SPPL2A: variants seen among roughly 807,000 people sequenced by gnomAD.
The protein encoded by SPPL2A is signal peptide peptidase like 2A, also known as signal peptide peptidase-like 2A.
SPPL2A carries 51 observed loss-of-function variants against 63.8 expected under a neutral mutation model. That is an observed-to-expected ratio of 0.80 (90% CI 0.64 to 1.01). The LOEUF is 1.01. SPPL2A is among the 50% of genes least tolerant of loss of function. The pLI is 0.00. For synonymous variants in SPPL2A, 188 were observed against 205.8 expected (o/e 0.91, Z 0.74); for missense variants, 553 against 622.7 (o/e 0.89, Z 1.19).
At chr15:50,761,789 A>G (rs1371675967) in intron 1 of SPPL2A, among the ~76,000 whole-genome samples, 3 of 151,438 alleles carry the variant, frequency 2.0e-5, no homozygotes. Flanking sequence ...ACAAAAAATT[A>G]GCCGGGCATC....
chr15:50,764,671 G>A (rs910069640), intron 1 of SPPL2A: 2 of 152,046 alleles, frequency 1.3e-5, no homozygotes, highest in Non-Finnish European at 2.9e-5. Flanking sequence ...TGAAACACCG[G>A]GTTCCTGACA....
At position 50,702,847 on chromosome 15, in the gene SPPL2A, C is replaced by T. The variant is rs374582524; in HGVS notation, c.*4953G>A. 4 of 152,144 alleles carry T rather than the reference C, an allele frequency of 2.6e-5. No individual in the cohort carries two copies. The highest frequency in any genetic ancestry group is 6.5e-5 in the Admixed American group (1 of 15,276). 9.4% of individuals were successfully genotyped at this position (152,144 alleles called of 1,614,324 possible). On this transcript the variant is annotated 3_prime_UTR_variant, in exon 15 of 15. Transcript: ENST00000261854. Reference sequence around the variant, plus strand: ...CTGTCCTCAATATGGAAAGATTAAACGAGGACATTTATACTTATGATCTTC... The same window carrying T: ...CTGTCCTCAATATGGAAAGATTAAATGAGGACATTTATACTTATGATCTTC...
At position 50,749,901 on chromosome 15, in the gene SPPL2A, G is replaced by C. The variant is rs115732181; in HGVS notation, c.67-155C>G. ...TTCTTCTTGTTTGAGGAAATAAAAAGGATGGTTAGGAATATTAAAACTATA... is the reference window on the plus strand; with the variant it reads ...TTCTTCTTGTTTGAGGAAATAAAAACGATGGTTAGGAATATTAAAACTATA... On this transcript the variant is annotated intron_variant, in intron 1 of 14. Coordinates refer to ENST00000261854, the MANE Select transcript of SPPL2A (RefSeq NM_032802.4). 1.7e-3 allele frequency: 1,013 copies of C among 613,562 alleles called. 12 individuals carry two copies. The African/African-American group carries it at 0.017, about 10-fold the overall frequency. The allele number at this position is 613,562 out of a possible 1,614,324, so 38.0% of individuals were successfully genotyped here. A position where few individuals can be genotyped will look rare whatever the true frequency, so the allele number is the denominator to read the frequency against.
intron 8 of SPPL2A, among the ~76,000 whole-genome samples, chr15:50,733,037 CTAG>C (rs1252669216): frequency 6.6e-6 from 1 of 152,004 alleles, no homozygotes; most frequent in Admixed American, 6.6e-5. Flanking sequence ...TTTTACTGTC[CTAG>C]TAGAATAATG....
intron 14 of SPPL2A, among the ~76,000 whole-genome samples, chr15:50,717,893 C>CTAA (rs2062609541): frequency 6.6e-6 from 1 of 151,618 alleles, no homozygotes; most frequent in Non-Finnish European, 1.5e-5. Context: ...TTCATGGCAC[C>CTAA]TGCCGTAACT....
intron 5 of SPPL2A, among the ~76,000 whole-genome samples, chr15:50,746,352 C>T (rs977678710): frequency 2.1e-5 from 3 of 145,062 alleles, no homozygotes; most frequent in Non-Finnish European, 4.5e-5. Flanking sequence ...GCAGGAGAAT[C>T]ACTTGAACTG....
At chr15:50,731,331 A>G (rs1392639543) in intron 9 of SPPL2A, among the ~76,000 whole-genome samples, 1 of 151,354 alleles carries the variant, frequency 6.6e-6, no homozygotes, top group Non-Finnish European at 1.5e-5. Flanking sequence ...GCGGATCACG[A>G]GGTCAAGAGT....
intron 14 of SPPL2A, among the ~76,000 whole-genome samples, chr15:50,719,434 C>T (rs1056350179): frequency 3.9e-5 from 6 of 151,998 alleles, no homozygotes; most frequent in South Asian, 2.1e-4. Flanking sequence ...TTAGTAGAGA[C>T]GGGTTTCACC....
At chr15:50,718,266 C>T (rs1387692501) in intron 14 of SPPL2A, among the ~76,000 whole-genome samples, 3 of 152,016 alleles carry the variant, frequency 2.0e-5, no homozygotes, top group South Asian at 2.1e-4. Context: ...CATGAGCCAC[C>T]GCGACCGGCT....
At position 50,739,803 on chromosome 15, in the gene SPPL2A, C is replaced by T. The variant is rs2062804252; in HGVS notation, c.610G>A (p.Glu204Lys). The change falls in exon 6 of 15, where the codon GAA becomes AAA. Residue 204 changes from glutamate to lysine, a missense_variant. Coordinates refer to ENST00000261854, the MANE Select transcript of SPPL2A (RefSeq NM_032802.4). ...TTCTTTTTCCTCATTTCTCTATCTT[C>T]AGTTGTCACTGCTTTCAAGTTTTCC... The part of the protein sequence containing the change: ...ELENLKAVTT[E>K]DREMRKKKEE... 1 of 1,603,688 alleles carries T rather than the reference C, an allele frequency of 6.2e-7. No individual in the cohort carries two copies. The highest frequency in any genetic ancestry group is 1.3e-5 in the African/African-American group (1 of 74,512).
chr15:50,750,324 G>A (rs912795966), intron 1 of SPPL2A, among the ~76,000 whole-genome samples: 2 of 152,008 alleles, frequency 1.3e-5, no homozygotes, highest in African/African-American at 2.4e-5. Context: ...GGCTGGTCTC[G>A]AATTCCTGAC....
At chr15:50,753,048 G>A (rs886602582) in intron 1 of SPPL2A, among the ~76,000 whole-genome samples, 1 of 152,026 alleles carries the variant, frequency 6.6e-6, no homozygotes, top group Non-Finnish European at 1.5e-5. Flanking sequence ...CTGTAATATT[G>A]TATGTAATAG....
intron 12 of SPPL2A, among the ~76,000 whole-genome samples, chr15:50,722,462 CT>C (rs577687534): frequency 3.4e-4 from 50 of 147,354 alleles, no homozygotes; most frequent in Non-Finnish European, 3.5e-4. Flanking sequence ...ATGAAGAAAA[CT>C]TTTTTTTTTT....
Position 50,703,378 on chromosome 15 carries a change from T to A in SPPL2A, c.*4422A>T, listed in dbSNP as rs2062490783. Reference sequence around the variant, plus strand: ...TATATTTTTTTTTTTTTTTTTTTTTTTTGAGATGGAGTCTCGCTCTGTCGC... The same window carrying A: ...TATATTTTTTTTTTTTTTTTTTTTTATTGAGATGGAGTCTCGCTCTGTCGC... On this transcript the variant is annotated 3_prime_UTR_variant, in exon 15 of 15. Transcript: ENST00000261854. 7.7e-6 allele frequency: 1 copy of A among 129,734 alleles called. No homozygotes were observed. The highest frequency in any genetic ancestry group is 1.6e-5 in the Non-Finnish European group (1 of 61,862). The allele number at this position is 129,734 out of a possible 1,614,324, so 8.0% of individuals were successfully genotyped here.
intron 14 of SPPL2A, among the ~76,000 whole-genome samples, chr15:50,717,243 T>C (rs1312354955): frequency 6.6e-6 from 1 of 152,132 alleles, no homozygotes; most frequent in Non-Finnish European, 1.5e-5. Flanking sequence ...GGTGCAATCA[T>C]GGCCCACTGA....
intron 11 of SPPL2A, among the ~76,000 whole-genome samples, chr15:50,725,672 C>A (rs1158903980): frequency 6.6e-6 from 1 of 151,998 alleles, no homozygotes; most frequent in African/African-American, 2.4e-5. Context: ...CTCAGGTGAT[C>A]TGCCTGCCTC....
At chr15:50,736,534 G>A (rs1464056593) in intron 7 of SPPL2A, 110 bp downstream of exon 7, 7 of 594,428 alleles carry the variant, frequency 1.2e-5, no homozygotes, top group Non-Finnish European at 2.1e-5. Flanking sequence ...TTAAACACCT[G>A]TAGGTCCAAT....
chr15:50,735,402 C>T (rs895930731), intron 8 of SPPL2A, among the ~76,000 whole-genome samples: 1 of 151,928 alleles, frequency 6.6e-6, no homozygotes, highest in Non-Finnish European at 1.5e-5. Context: ...TCTCTCTCTC[C>T]TGGAACTCCC....
At chr15:50,742,230 T>A (rs1596390954) in intron 5 of SPPL2A, among the ~76,000 whole-genome samples, 1 of 152,002 alleles carries the variant, frequency 6.6e-6, no homozygotes, top group African/African-American at 2.4e-5. Flanking sequence ...GCTAACGTGG[T>A]GAAACCACAT....
Sources: allele counts gnomAD v4.1 joint callset (sites outside exome capture counted in the v4.1 genomes callset), GRCh38; gene constraint gnomAD v4.1.1; transcripts MANE v1.5; gene names NCBI Gene and HGNC (gene_info 2026-07-23, HGNC 2026-07-21).